Variants in MICAL2 observed in about 807,000 individuals in gnomAD.
The protein encoded by MICAL2 is [F-actin]-monooxygenase MICAL2.
Under a neutral mutation model 127.3 loss-of-function variants are expected in MICAL2, and 77 were observed. The observed-to-expected ratio is 0.60, with a 90% CI of 0.50 to 0.73. MICAL2 has a LOEUF of 0.73. Ranked by LOEUF, MICAL2 falls within the 30% of genes least tolerant of loss-of-function variation. The pLI, the probability that MICAL2 is intolerant of heterozygous loss-of-function variation, is 0.00. For synonymous variants in MICAL2, 570 were observed against 551.1 expected, an observed-to-expected ratio of 1.03 and a Z score of -0.48; for missense variants, 1,351 against 1,434.4, an observed-to-expected ratio of 0.94 and a Z score of 0.94.
At chr11:12,124,145 T>C (rs1349592584) in intron 1 of MICAL2, among the ~76,000 whole-genome samples, 2 of 152,140 alleles carry the variant, frequency 1.3e-5, no homozygotes, top group African/African-American at 4.8e-5. Context: ...GAATGATCAT[T>C]CCTGTTAAGT....
chr11:12,213,750 A>G (rs112012885), intron 7 of MICAL2, among the ~76,000 whole-genome samples: 52 of 152,250 alleles, frequency 3.4e-4, no homozygotes, highest in African/African-American at 1.2e-3. Flanking sequence ...ATCTGTATAA[A>G]CCATCCTAAG....
chr11:12,154,620 T>C (rs1413964757), intron 2 of MICAL2, among the ~76,000 whole-genome samples: 1 of 152,238 alleles, frequency 6.6e-6, no homozygotes, highest in Non-Finnish European at 1.5e-5. Context: ...GAAATTGTAT[T>C]GACTTTCTGG....
chr11:12,164,873 G>A (rs1013292068), intron 3 of MICAL2, among the ~76,000 whole-genome samples: 12 of 152,160 alleles, frequency 7.9e-5, no homozygotes, highest in Admixed American at 4.6e-4. Context: ...CGCGGCTCAC[G>A]CCTGTAATCC....
chr11:12,138,215 CG>C (rs5789715), intron 1 of MICAL2, among the ~76,000 whole-genome samples, 174 bp from the exon 2 acceptor site: 21,029 of 152,208 alleles, frequency 0.14, 1,580 homozygotes, highest in African/African-American at 0.18. Flanking sequence ...CCTTTCTTCA[CG>C]TGCAAAACTT....
rs202004766 is a variant in MICAL2, at chr11:12,216,344, C to G, written c.948+25C>G. The G allele has an allele frequency of 2.7e-5, 43 of 1,569,248 alleles. No homozygotes were observed. In the East Asian group the frequency reaches 3.1e-4, roughly 11 times the overall value. Reference sequence around the variant, plus strand: ...CGTACGTACCTCTTGGCTGCGATTTCCCGACTTCGCGACCTGGGCTGGTGA... The same window carrying G: ...CGTACGTACCTCTTGGCTGCGATTTGCCGACTTCGCGACCTGGGCTGGTGA... On this transcript the variant is annotated intron_variant, in intron 8 of 27. Coordinates refer to ENST00000683283, the MANE Select transcript of MICAL2 (RefSeq NM_001282663.2).
chr11:12,249,597 C>T (rs1861261846), intron 22 of MICAL2, among the ~76,000 whole-genome samples: 1 of 152,204 alleles, frequency 6.6e-6, no homozygotes, highest in Non-Finnish European at 1.5e-5. Context: ...ATGTCCTTGC[C>T]CAAGTGGATC....
chr11:12,203,995 T>A lies in MICAL2; in HGVS notation c.265-255T>A, dbSNP rs557861942. ...ACTTTGACTCTGAAGTTCATGTGCA[T>A]CTTACTGTGCCTCCTCGCCAAGTCC... is the stretch of plus-strand genomic sequence containing the variant. On this transcript the variant is annotated intron_variant, in intron 3 of 27. Transcript: ENST00000683283. Among the ~76,000 whole-genome samples, 13 of 152,324 alleles carry A rather than the reference T, an allele frequency of 8.5e-5. No individual in the cohort carries two copies. In the South Asian group the frequency reaches 2.7e-3, roughly 32 times the overall value.
intron 32 of MICAL2, among the ~76,000 whole-genome samples, chr11:12,339,493 G>T (rs989948035): frequency 1.3e-5 from 2 of 152,166 alleles, no homozygotes; most frequent in Admixed American, 1.3e-4. Context: ...CTGGTGAGGA[G>T]CTGTGTTCCT....
downstream of MICAL2, among the ~76,000 whole-genome samples, chr11:12,291,585 T>A (rs985905311): frequency 2.0e-5 from 3 of 152,226 alleles, no homozygotes; most frequent in African/African-American, 7.2e-5. Flanking sequence ...TTCCAATGAT[T>A]TGATACTCAC....
At chr11:12,329,699 T>A (rs992061274) in intron 32 of MICAL2, among the ~76,000 whole-genome samples, 2 of 152,134 alleles carry the variant, frequency 1.3e-5, no homozygotes, top group Non-Finnish European at 2.9e-5. Context: ...GCCTAGGTTG[T>A]AGGCATTTAG....
At chr11:12,180,742 C>T (rs1857356815) in intron 3 of MICAL2, among the ~76,000 whole-genome samples, 1 of 140,802 alleles carries the variant, frequency 7.1e-6, no homozygotes, top group Admixed American at 7.5e-5. Flanking sequence ...AAGAATGTGA[C>T]AGTGTTCAAA....
At chr11:12,178,222 G>C (rs1857048429) in intron 3 of MICAL2, among the ~76,000 whole-genome samples, 1 of 152,232 alleles carries the variant, frequency 6.6e-6, no homozygotes, top group Non-Finnish European at 1.5e-5. Flanking sequence ...TGACTGAAGG[G>C]AGGTGTGCTC....
intron 2 of MICAL2, among the ~76,000 whole-genome samples, chr11:12,157,695 G>A (rs1177605184): frequency 9.6e-6 from 1 of 104,032 alleles, no homozygotes; most frequent in Non-Finnish European, 2.5e-5. Context: ...AGGATCCTCT[G>A]ATAAAAAAAA....
intron 10 of MICAL2, 83 bp downstream of exon 10, chr11:12,221,842 C>G: frequency 1.0e-6 from 1 of 1,004,420 alleles, no homozygotes; most frequent in Non-Finnish European, 1.5e-6. Flanking sequence ...CAGGTGACTG[C>G]TGGATATACC....
At chr11:12,291,054 G>T (rs1336331736), downstream of MICAL2, among the ~76,000 whole-genome samples, 1 of 152,162 alleles carries the variant, frequency 6.6e-6, no homozygotes, top group African/African-American at 2.4e-5. Context: ...GAATGGGTCC[G>T]CTGAGTGGCC....
intron 2 of MICAL2, among the ~76,000 whole-genome samples, chr11:12,160,124 G>C (rs928506761): frequency 8.5e-5 from 13 of 152,176 alleles, no homozygotes; most frequent in Non-Finnish European, 1.8e-4. Context: ...GGGAAAGAGG[G>C]AAGGTCGGGT....
At chr11:12,125,483 T>A (rs185763992) in intron 1 of MICAL2, among the ~76,000 whole-genome samples, 1 of 152,348 alleles carries the variant, frequency 6.6e-6, no homozygotes, top group Admixed American at 6.5e-5. Context: ...CTTGATCTCC[T>A]GACCTCGTGA....
intron 32 of MICAL2, among the ~76,000 whole-genome samples, chr11:12,348,108 C>T (rs1284923146): frequency 2.2e-5 from 3 of 133,744 alleles, no homozygotes; most frequent in Non-Finnish European, 3.1e-5. Flanking sequence ...GAGCCAAGAT[C>T]GTGCCACTGC....
intron 18 of MICAL2, 31 bp downstream of exon 18, chr11:12,241,193 G>A: frequency 6.2e-7 from 1 of 1,604,390 alleles, no homozygotes; most frequent in Non-Finnish European, 8.5e-7. Context: ...TGCTGTTTTG[G>A]TGAAGCCAGA....
Sources: allele counts gnomAD v4.1 joint callset (sites outside exome capture counted in the v4.1 genomes callset), GRCh38; gene constraint gnomAD v4.1.1; transcripts MANE v1.5; gene names NCBI Gene and HGNC (gene_info 2026-07-23, HGNC 2026-07-21).